The following GAS2 variants were observed in gnomAD, a reference collection of about 807,000 sequenced individuals.
GAS2 encodes growth arrest-specific protein 2.
GAS2 carries 20 observed loss-of-function variants against 37.5 expected under a neutral mutation model. The ratio of observed to expected loss-of-function variants is 0.53; its 90% confidence interval spans 0.37 to 0.77. The LOEUF (loss-of-function observed/expected upper bound fraction) is 0.77, where lower values mean the gene tolerates loss of function less well. Ranked by LOEUF, GAS2 falls within the 30% of genes least tolerant of loss-of-function variation. GAS2 has a pLI of 0.00. For missense variants in GAS2, 336 were observed against 373.4 expected (o/e 0.90, Z 0.82); for synonymous variants, 144 against 132.2 (o/e 1.09, Z -0.61).
chr11:22,696,389 G>A (rs1202520728), intron 3 of GAS2, among the ~76,000 whole-genome samples: 1 of 152,082 alleles, frequency 6.6e-6, no homozygotes, highest in Non-Finnish European at 1.5e-5. Context: ...TGTGAATAGT[G>A]CCACGATAAA....
intron 7 of GAS2, among the ~76,000 whole-genome samples, chr11:22,801,808 C>G (rs959085874): frequency 6.6e-6 from 1 of 152,008 alleles, no homozygotes; most frequent in Non-Finnish European, 1.5e-5. Flanking sequence ...AGGGCATATT[C>G]GTAGATTACT....
chr11:22,803,393 G>A (rs916683515), intron 7 of GAS2, among the ~76,000 whole-genome samples: 8 of 152,104 alleles, frequency 5.3e-5, no homozygotes, highest in African/African-American at 1.9e-4. Context: ...TTTTAAATGA[G>A]CACAGTTAAT....
At chr11:22,644,780 C>T (rs1848669909) in intron 1 of GAS2, among the ~76,000 whole-genome samples, 1 of 152,088 alleles carries the variant, frequency 6.6e-6, no homozygotes, top group South Asian at 2.1e-4. Flanking sequence ...CACCACCACA[C>T]CTGGATAAAT....
intron 7 of GAS2, among the ~76,000 whole-genome samples, chr11:22,809,872 G>A (rs1247518777): frequency 6.6e-6 from 1 of 152,054 alleles, no homozygotes; most frequent in Non-Finnish European, 1.5e-5. Flanking sequence ...GCCAGGAAAG[G>A]CAAAGTAGTT....
At chr11:22,737,918 C>T in intron 5 of GAS2, 150 bp downstream of exon 5, 1 of 708,856 alleles carries the variant, frequency 1.4e-6, no homozygotes, top group Non-Finnish European at 2.5e-6. Context: ...TTGAGGGCAG[C>T]AGTTAACCAA....
intron 5 of GAS2, among the ~76,000 whole-genome samples, chr11:22,747,037 A>C (rs983800728): frequency 2.0e-5 from 3 of 152,142 alleles, no homozygotes; most frequent in African/African-American, 7.2e-5. Flanking sequence ...ACTAAAAAAA[A>C]TGTGTTCTAG....
At chr11:22,648,089 T>C (rs1399137501) in intron 1 of GAS2, among the ~76,000 whole-genome samples, 2 of 152,240 alleles carry the variant, frequency 1.3e-5, no homozygotes, top group African/African-American at 4.8e-5. Context: ...CCATCTTGAA[T>C]TGATTTTTGT....
At chr11:22,770,025 T>A (rs1854896157) in intron 7 of GAS2, among the ~76,000 whole-genome samples, 1 of 152,164 alleles carries the variant, frequency 6.6e-6, no homozygotes, top group Non-Finnish European at 1.5e-5. Flanking sequence ...GAAGCCATCA[T>A]CCTCAGCAAA....
intron 7 of GAS2, among the ~76,000 whole-genome samples, chr11:22,763,602 T>TA (rs1400062851): frequency 1.5e-5 from 2 of 132,956 alleles, no homozygotes; most frequent in Non-Finnish European, 3.2e-5. Context: ...ACAATTCATT[T>TA]AAAAAAATAC....
intron 7 of GAS2, among the ~76,000 whole-genome samples, chr11:22,760,237 T>C (rs1443825630): frequency 6.6e-6 from 1 of 152,086 alleles, no homozygotes; most frequent in Non-Finnish European, 1.5e-5. Flanking sequence ...TGCCTTGGCC[T>C]CCCAAAGTGC....
chr11:22,693,204 T>G (rs337478), intron 3 of GAS2, among the ~76,000 whole-genome samples: 2 of 152,174 alleles, frequency 1.3e-5, no homozygotes, highest in African/African-American at 4.8e-5. Context: ...GTGTATAGGA[T>G]AGTAAGAATT....
At chr11:22,641,094 T>C (rs1858904568) in intron 1 of GAS2, among the ~76,000 whole-genome samples, 1 of 151,062 alleles carries the variant, frequency 6.6e-6, no homozygotes, top group South Asian at 2.1e-4. Context: ...TTTTTTGAAT[T>C]GACCAAGGGG....
At chr11:22,745,137 A>AG (rs1318564039) in intron 5 of GAS2, among the ~76,000 whole-genome samples, 1 of 149,986 alleles carries the variant, frequency 6.7e-6, no homozygotes, top group African/African-American at 2.4e-5. Flanking sequence ...AAAAAAAGAA[A>AG]GAAAAAAGCC....
At chr11:22,772,981 G>A (rs1352089309) in intron 7 of GAS2, among the ~76,000 whole-genome samples, 1 of 152,162 alleles carries the variant, frequency 6.6e-6, no homozygotes, top group Non-Finnish European at 1.5e-5. Context: ...GGGGCCTTTA[G>A]TGGATATAGC....
At chr11:22,656,931 T>C (rs1330354842) in intron 1 of GAS2, among the ~76,000 whole-genome samples, 1 of 152,182 alleles carries the variant, frequency 6.6e-6, no homozygotes, top group Non-Finnish European at 1.5e-5. Context: ...TGATGTATTT[T>C]GAGATAACAT....
intron 7 of GAS2, among the ~76,000 whole-genome samples, chr11:22,768,523 C>G (rs1854813198): frequency 6.6e-6 from 1 of 152,170 alleles, no homozygotes; most frequent in Non-Finnish European, 1.5e-5. Context: ...TGCCTTCTCT[C>G]TAGGCCAGAG....
At chr11:22,740,016 A>T (rs1410910530) in intron 5 of GAS2, among the ~76,000 whole-genome samples, 1 of 152,106 alleles carries the variant, frequency 6.6e-6, no homozygotes, top group Non-Finnish European at 1.5e-5. Context: ...AGCCCGCTGA[A>T]TAAACATTTT....
chr11:22,676,279 G>A (rs1450041941), intron 2 of GAS2, among the ~76,000 whole-genome samples: 1 of 152,096 alleles, frequency 6.6e-6, no homozygotes, highest in African/African-American at 2.4e-5. Context: ...CTCCATCAAG[G>A]AAAGGGAGTT....
intron 2 of GAS2, among the ~76,000 whole-genome samples, chr11:22,682,295 A>AT (rs151113234): frequency 2.6e-5 from 4 of 151,752 alleles, no homozygotes; most frequent in Admixed American, 2.6e-4. Flanking sequence ...AATGAAAGCC[A>AT]TTTTTTTCTT....
Sources: gnomAD v4.1 joint callset for allele counts (sites outside exome capture counted in the v4.1 genomes callset) on GRCh38, gnomAD v4.1.1 for gene constraint, MANE v1.5 for transcripts, NCBI Gene and HGNC (gene_info 2026-07-23, HGNC 2026-07-21) for gene names.